SORCS1: variants seen among roughly 807,000 people sequenced by gnomAD.
SORCS1 encodes the protein VPS10 domain-containing receptor SorCS1.
In SORCS1, 60 loss-of-function variants were observed where a neutral mutation model predicts 146.1. That is an observed-to-expected ratio of 0.41 (90% CI 0.33 to 0.51). The LOEUF is 0.51. SORCS1 is among the 20% of genes least tolerant of loss of function. The probability of loss-of-function intolerance (pLI) is 0.21; values close to 1 mark genes in which losing one functional copy is unlikely to be tolerated. For missense variants in SORCS1, 1,352 were observed against 1,487.6 expected (o/e 0.91, Z 1.50); for synonymous variants, 637 against 584.0 (o/e 1.09, Z -1.31).
chr10:106,790,839 T>C (rs1946283568), intron 3 of SORCS1, among the ~76,000 whole-genome samples: 1 of 152,236 alleles, frequency 6.6e-6, no homozygotes, highest in South Asian at 2.1e-4. Context: ...ATAATTTTGT[T>C]TCTTTTCATT....
Position 106,908,270 on chromosome 10 carries a change from C to T in SORCS1, c.626+48243G>A, listed in dbSNP as rs539425174. 1.4e-4 allele frequency among the ~76,000 whole-genome samples: 21 copies of T among 152,290 alleles called. No individual in the cohort carries two copies. The South Asian group carries it at 3.9e-3, about 29-fold the overall frequency. On this transcript the variant is annotated intron_variant, in intron 2 of 25. Transcript: ENST00000263054. ...GAGCTGTGGGCATATGCCAGCACCCCTTGTCCTAACTTCCTAACTGGCATA... is the reference window on the plus strand; with the variant it reads ...GAGCTGTGGGCATATGCCAGCACCCTTTGTCCTAACTTCCTAACTGGCATA...
chr10:107,049,920 A>G (rs1426776313), intron 1 of SORCS1, among the ~76,000 whole-genome samples: 5 of 152,240 alleles, frequency 3.3e-5, no homozygotes, highest in Non-Finnish European at 5.9e-5. Context: ...TGAAGAGAGA[A>G]TAATTATTAA....
At chr10:106,824,552 G>A (rs571299458) in intron 3 of SORCS1, among the ~76,000 whole-genome samples, 1 of 148,236 alleles carries the variant, frequency 6.7e-6, no homozygotes, top group East Asian at 2.0e-4. Flanking sequence ...TTGTGCCACT[G>A]CACTCCAGCC....
chr10:106,753,304 C>T (rs535406929), intron 5 of SORCS1, among the ~76,000 whole-genome samples: 16 of 152,150 alleles, frequency 1.1e-4, no homozygotes, highest in South Asian at 2.1e-4. Context: ...AGCCATCTCG[C>T]GCCACATTCT....
intron 2 of SORCS1, among the ~76,000 whole-genome samples, chr10:106,888,356 G>C (rs898125113): frequency 6.6e-6 from 1 of 152,052 alleles, no homozygotes; most frequent in Non-Finnish European, 1.5e-5. Context: ...AAGGAGGTTC[G>C]TGCCTTTAAC....
chr10:107,052,715 A>G (rs192899513), intron 1 of SORCS1, among the ~76,000 whole-genome samples: 2 of 152,122 alleles, frequency 1.3e-5, no homozygotes, highest in Non-Finnish European at 2.9e-5. Flanking sequence ...TTCTTCTCAT[A>G]TATCTCCATG....
intron 8 of SORCS1, among the ~76,000 whole-genome samples, chr10:106,699,968 T>A (rs1843703984): frequency 6.6e-6 from 1 of 152,136 alleles, no homozygotes; most frequent in African/African-American, 2.4e-5. Context: ...TGCCCAAAGG[T>A]TCAGCAACCC....
chr10:107,096,352 A>G (rs1459841261), intron 1 of SORCS1, among the ~76,000 whole-genome samples: 1 of 152,214 alleles, frequency 6.6e-6, no homozygotes, highest in East Asian at 1.9e-4. Flanking sequence ...GTTTTACCAC[A>G]TACTATTGAT....
intron 2 of SORCS1, among the ~76,000 whole-genome samples, chr10:106,861,765 T>C (rs1950024264): frequency 6.6e-6 from 1 of 152,070 alleles, no homozygotes; most frequent in African/African-American, 2.4e-5. Flanking sequence ...GGCATGCACC[T>C]GTAGTCCCAG....
chr10:107,109,899 C>T (rs1469817794), intron 1 of SORCS1, among the ~76,000 whole-genome samples: 11 of 152,194 alleles, frequency 7.2e-5, no homozygotes, highest in Non-Finnish European at 1.5e-5. Context: ...TACTTTGCTG[C>T]TTAGAAATTT....
chr10:107,066,218 T>C (rs549575369), intron 1 of SORCS1, among the ~76,000 whole-genome samples: 22 of 151,980 alleles, frequency 1.4e-4, no homozygotes, highest in Non-Finnish European at 2.8e-4. Flanking sequence ...ATGCTTGGGG[T>C]TCCAAGCATC....
At chr10:106,738,513 G>A (rs1857125633) in intron 5 of SORCS1, among the ~76,000 whole-genome samples, 1 of 152,162 alleles carries the variant, frequency 6.6e-6, no homozygotes. Context: ...AGGACTTCCT[G>A]GAGGGGTGTG....
At chr10:107,087,756 A>C (rs887259758) in intron 1 of SORCS1, among the ~76,000 whole-genome samples, 4 of 152,370 alleles carry the variant, frequency 2.6e-5, no homozygotes, top group Middle Eastern at 3.4e-3. Context: ...GATGTGGCAA[A>C]GATGGAATTA....
chr10:106,657,875 T>A (rs1850427678), intron 17 of SORCS1, among the ~76,000 whole-genome samples: 1 of 152,030 alleles, frequency 6.6e-6, no homozygotes, highest in Admixed American at 6.6e-5. Context: ...TTTCCTAAAG[T>A]TCTTGGGAAG....
rs963987546 is a variant in SORCS1, at chr10:106,960,391, C to T, written c.559-3811G>A. On this transcript the variant is annotated intron_variant, in intron 1 of 25. Coordinates refer to ENST00000263054, the MANE Select transcript of SORCS1 (RefSeq NM_052918.5). This position sits in a 1 kb window ranked among gnomAD's most constrained non-coding sequence, Gnocchi z 4.4. ...TGGGAGGAACTTCACTTGGTCCATA[C>T]GTTTTCTCTTTTTCTTTTTCTTTTT... 8.6e-5 allele frequency among the ~76,000 whole-genome samples: 13 copies of T among 151,558 alleles called. No homozygotes were observed. Among genetic ancestry groups the T allele is most frequent in the African/African-American group, 2.7e-4 (11 of 41,118 alleles).
chr10:106,830,845 G>A (rs543735673), intron 2 of SORCS1, among the ~76,000 whole-genome samples: 4 of 151,112 alleles, frequency 2.6e-5, no homozygotes, highest in African/African-American at 9.7e-5. Flanking sequence ...GTAGTGAGCC[G>A]AGATCACACC....
intron 5 of SORCS1, among the ~76,000 whole-genome samples, chr10:106,749,121 T>G (rs1014221644): frequency 2.0e-5 from 3 of 152,228 alleles, no homozygotes; most frequent in African/African-American, 7.2e-5. Flanking sequence ...GATTTACTTC[T>G]GCCTGAACTA....
At position 106,596,088 on chromosome 10, in the gene SORCS1, T is replaced by C. The variant is rs144992762; in HGVS notation, c.3265+1263A>G. Among the ~76,000 whole-genome samples the C allele has an allele frequency of 8.0e-3, 1,213 of 152,258 alleles. 17 individuals carry two copies. Among genetic ancestry groups the C allele is most frequent in the African/African-American group, 0.028 (1,148 of 41,562 alleles). On this transcript the variant is annotated intron_variant, in intron 24 of 25. Transcript: ENST00000263054. ...GTTAAATGTCTTTCCCAGGATTCCATAGTGAGTAACAAAGCCAAGATTGAA... is the reference window on the plus strand; with the variant it reads ...GTTAAATGTCTTTCCCAGGATTCCACAGTGAGTAACAAAGCCAAGATTGAA...
At chr10:106,961,641 A>C (rs111863784) in intron 1 of SORCS1, among the ~76,000 whole-genome samples, 5,682 of 152,274 alleles carry the variant, frequency 0.037, 369 homozygotes, top group African/African-American at 0.13. Flanking sequence ...AAACCTGCAG[A>C]ACTAGCAGAT....
Sources: gnomAD v4.1 joint callset for allele counts (sites outside exome capture counted in the v4.1 genomes callset) on GRCh38, gnomAD v4.1.1 for gene constraint, Gnocchi (gnomAD v3.1) non-coding constraint, MANE v1.5 for transcripts, NCBI Gene and HGNC (gene_info 2026-07-23, HGNC 2026-07-21) for gene names.